Variants in PPP1R12A observed in about 807,000 individuals in gnomAD.
PPP1R12A encodes the protein protein phosphatase 1 regulatory subunit 12A, also known as myosin binding subunit.
A neutral mutation model predicts 139.6 loss-of-function variants in PPP1R12A; 19 were observed. That is an observed-to-expected ratio of 0.14 (90% confidence interval 0.09 to 0.20). The LOEUF (loss-of-function observed/expected upper bound fraction) is 0.20, where lower values mean the gene tolerates loss of function less well. Ranked by LOEUF, PPP1R12A falls within the 10% of genes least tolerant of loss-of-function variation. The pLI, the probability that PPP1R12A is intolerant of heterozygous loss-of-function variation, is 1.00. For missense variants in PPP1R12A, 925 were observed against 1,211.5 expected (o/e 0.76, Z 3.51); for synonymous variants, 427 against 420.6 (o/e 1.02, Z -0.19).
chr12:79,910,675 A>T lies in PPP1R12A; in HGVS notation c.237+24020T>A, dbSNP rs189451287. 5.4e-3 allele frequency among the ~76,000 whole-genome samples: 821 copies of T among 152,294 alleles called. 5 individuals carry two copies. Among genetic ancestry groups the T allele is most frequent in the African/African-American group, 0.019 (780 of 41,558 alleles). ...ATTCGAACATGCATGTATATATGTAAACAAACACACATAAACACATCTAAT... is the reference window on the plus strand; with the variant it reads ...ATTCGAACATGCATGTATATATGTATACAAACACACATAAACACATCTAAT... On this transcript the variant is annotated intron_variant, in intron 1 of 24. Transcript: ENST00000450142.
intron 9 of PPP1R12A, among the ~76,000 whole-genome samples, chr12:79,816,034 A>G (rs1156479954): frequency 2.6e-5 from 4 of 152,082 alleles, no homozygotes; most frequent in African/African-American, 9.7e-5. Flanking sequence ...TATTTTGACC[A>G]CCTAAAGCCA....
rs146037207 is a variant in PPP1R12A at position 79,838,434 on chromosome 12, G to A, written c.488-5943C>T. 1.8e-3 allele frequency among the ~76,000 whole-genome samples: 273 copies of A among 152,356 alleles called. 1 individual carries two copies. In the East Asian group the frequency reaches 0.018, roughly 10 times the overall value. ...GGCTGCAGAAATTTGCATAAGTAAC[G>A]AGTAACCAAATGTTAATTGCCAAGA... On this transcript the variant is annotated intron_variant, in intron 3 of 24. Transcript: ENST00000450142.
chr12:79,906,299 T>G (rs1488539185), intron 1 of PPP1R12A, among the ~76,000 whole-genome samples: 1 of 152,026 alleles, frequency 6.6e-6, no homozygotes, highest in East Asian at 1.9e-4. Context: ...ACAAGAATGT[T>G]TTTAACCCAC....
At chr12:79,840,059 A>G (rs1455922521) in intron 3 of PPP1R12A, among the ~76,000 whole-genome samples, 2 of 152,202 alleles carry the variant, frequency 1.3e-5, no homozygotes, top group African/African-American at 4.8e-5. Flanking sequence ...GACATTTTAA[A>G]TAAAATGCAG....
chr12:79,864,409 C>T (rs1010780687), intron 2 of PPP1R12A, among the ~76,000 whole-genome samples: 1 of 151,966 alleles, frequency 6.6e-6, no homozygotes, highest in Admixed American at 6.6e-5. Flanking sequence ...AACTGACACC[C>T]TAATATCACA....
intron 1 of PPP1R12A, among the ~76,000 whole-genome samples, chr12:79,920,084 G>A (rs1173289130): frequency 6.6e-6 from 1 of 152,144 alleles, no homozygotes; most frequent in South Asian, 2.1e-4. Flanking sequence ...TTCATACACA[G>A]ATTTGCCTAT....
chr12:79,825,861 AAC>A (rs1237236214), intron 5 of PPP1R12A, among the ~76,000 whole-genome samples: 1 of 152,126 alleles, frequency 6.6e-6, no homozygotes. Context: ...AGACAATAAA[AAC>A]AGTCTAATTC....
At position 79,817,532 on chromosome 12, in the gene PPP1R12A, A is replaced by T; in HGVS notation, c.1115-14T>A. On this transcript the variant is annotated splice_polypyrimidine_tract_variant and intron_variant, in intron 8 of 24. Transcript: ENST00000450142. The stretch of plus-strand genomic sequence containing the variant: ...GTTTTGTCTTATCTATTAAAGACAA[A>T]CAATTAAGAGTCAAGATTCCATATA... 1 of 1,564,222 alleles carries T rather than the reference A, an allele frequency of 6.4e-7. No homozygotes were observed. The highest frequency in any genetic ancestry group is 1.2e-5 in the South Asian group (1 of 85,022).
intron 1 of PPP1R12A, among the ~76,000 whole-genome samples, chr12:79,905,645 C>T (rs1026810122): frequency 6.6e-6 from 1 of 152,084 alleles, no homozygotes; most frequent in Non-Finnish European, 1.5e-5. Context: ...ACTATCTTTC[C>T]AATTACGCAT....
At chr12:79,889,783 CATTT>C (rs1884424983) in intron 1 of PPP1R12A, among the ~76,000 whole-genome samples, 1 of 152,136 alleles carries the variant, frequency 6.6e-6, no homozygotes, top group South Asian at 2.1e-4. Context: ...AAGCAGCAAA[CATTT>C]ATTTCATAAT....
At chr12:79,877,880 C>G (rs1440256980) in intron 1 of PPP1R12A, among the ~76,000 whole-genome samples, 1 of 152,072 alleles carries the variant, frequency 6.6e-6, no homozygotes, top group Admixed American at 6.5e-5. Context: ...GGCTCCAAAA[C>G]TGTATCCTGA....
chr12:79,820,616 T>C (rs1343109771), intron 8 of PPP1R12A, among the ~76,000 whole-genome samples, 158 bp downstream of exon 8: 1 of 152,180 alleles, frequency 6.6e-6, no homozygotes, highest in East Asian at 1.9e-4. Context: ...CACAACTATA[T>C]GTAAGTTTCT....
chr12:79,809,932 G>C lies in PPP1R12A; in HGVS notation c.1318C>G (p.Leu440Val). 1 of 1,613,566 alleles carries C rather than the reference G, an allele frequency of 6.2e-7. No homozygotes were observed. The highest frequency in any genetic ancestry group is 8.5e-7 in the Non-Finnish European group (1 of 1,179,696). Residue 440 changes from leucine (L) to valine (V), a missense_variant, in exon 10 of 25, where the codon CTT becomes GTT. Physicochemically the swap from Leu to Val is conservative, Grantham distance 32 (BLOSUM62 1). Around this residue, in one of 4 missense-constraint regions of PPP1R12A, gnomAD observed 403 missense variants for 463.7 expected, o/e 0.87. Coordinates refer to ENST00000450142, the MANE Select transcript of PPP1R12A (RefSeq NM_002480.3). Reference sequence around the variant, plus strand: ...GCACCATAGCTGCCCGTCTTTCTAAGTCCTAACCTCCAAGTTGCAGGAGAC... The same window carrying C: ...GCACCATAGCTGCCCGTCTTTCTAACTCCTAACCTCCAAGTTGCAGGAGAC... Reference protein sequence around the residue: ...DESPATWRLGLRKTGSYGALA... With the variant: ...DESPATWRLGVRKTGSYGALA...
intron 1 of PPP1R12A, among the ~76,000 whole-genome samples, chr12:79,905,736 T>C (rs1480613445): frequency 1.3e-5 from 2 of 152,340 alleles, no homozygotes; most frequent in Middle Eastern, 6.8e-3. Flanking sequence ...GAATCAAGCA[T>C]CTCCTGTAGA....
intron 2 of PPP1R12A, among the ~76,000 whole-genome samples, chr12:79,859,416 T>C (rs1458568858): frequency 7.6e-6 from 1 of 131,262 alleles, no homozygotes. Context: ...TAATGAGAAA[T>C]AGATACTGGA....
chr12:79,901,251 A>C (rs1885617125), intron 1 of PPP1R12A, among the ~76,000 whole-genome samples: 1 of 152,122 alleles, frequency 6.6e-6, no homozygotes, highest in Non-Finnish European at 1.5e-5. Context: ...TAGTAATCAC[A>C]CTCAAACACC....
In PPP1R12A at chr12:79,774,031, T is replaced by C. The variant is rs1219057346; in HGVS notation, c.*1898A>G. Reference sequence around the variant, plus strand: ...ATATTAGAAACATGTATTTAATCATTCTTCACAGGCATCCAAACTTCACAA... The same window carrying C: ...ATATTAGAAACATGTATTTAATCATCCTTCACAGGCATCCAAACTTCACAA... On this transcript the variant is annotated 3_prime_UTR_variant, in exon 25 of 25. Coordinates refer to ENST00000450142, the MANE Select transcript of PPP1R12A (RefSeq NM_002480.3). The C allele has an allele frequency of 1.3e-5, 2 of 152,128 alleles. No individual in the cohort carries two copies. The highest frequency in any genetic ancestry group is 2.4e-5 in the African/African-American group (1 of 41,432). 9.4% of individuals were successfully genotyped at this position (152,128 alleles called of 1,614,324 possible). A position where few individuals can be genotyped will look rare whatever the true frequency, so the allele number is the denominator to read the frequency against.
At chr12:79,800,334 A>G (rs1872964143) in intron 14 of PPP1R12A, among the ~76,000 whole-genome samples, 1 of 152,076 alleles carries the variant, frequency 6.6e-6, no homozygotes, top group African/African-American at 2.4e-5. Flanking sequence ...GAAGACGAAG[A>G]GAATTCTGAC....
At chr12:79,878,837 G>A (rs1386898437) in intron 1 of PPP1R12A, among the ~76,000 whole-genome samples, 1 of 152,064 alleles carries the variant, frequency 6.6e-6, no homozygotes, top group African/African-American at 2.4e-5. Context: ...ACAACACATG[G>A]GGATTATGGG....
Sources: allele counts gnomAD v4.1 joint callset (sites outside exome capture counted in the v4.1 genomes callset), GRCh38; gene constraint gnomAD v4.1.1; regional missense constraint gnomAD v4.1.1; transcripts MANE v1.5; gene names NCBI Gene and HGNC (gene_info 2026-07-23, HGNC 2026-07-21).